The following MGAM variants were observed in gnomAD, a reference collection of about 807,000 sequenced individuals.
MGAM encodes maltase-glucoamylase, also known as alpha-1,4-glucosidase.
In MGAM, 253 loss-of-function variants were observed where a neutral mutation model predicts 358.8. The observed-to-expected ratio is 0.71, with a 90% CI of 0.64 to 0.78. The LOEUF (loss-of-function observed/expected upper bound fraction) is 0.78. Among genes scored for constraint, MGAM ranks in the 30% least tolerant of loss-of-function variants. The pLI, the probability that MGAM is intolerant of heterozygous loss-of-function variation, is 0.00. For synonymous variants in MGAM, 1,105 were observed against 1,227.1 expected, an observed-to-expected ratio of 0.90 and a Z score of 2.08; for missense variants, 3,080 against 3,432.6, an observed-to-expected ratio of 0.90 and a Z score of 2.57.
rs543667858 is a variant in MGAM, at chr7:142,034,375, G to A, written c.1783G>A (p.Ala595Thr). ...LYGYSMAVATAEAAKTVFPNK... is the reference protein window; with the variant it reads ...LYGYSMAVATTEAAKTVFPNK... ...TGGCTACTCCATGGCGGTCGCCACAGCAGAGTAAGGCCACTATGGCTATGA... is the reference window on the plus strand; with the variant it reads ...TGGCTACTCCATGGCGGTCGCCACAACAGAGTAAGGCCACTATGGCTATGA... Residue 595 changes from alanine to threonine, a missense_variant, in exon 15 of 71, where the codon GCA (alanine) becomes ACA (threonine). Physicochemically the swap from Ala to Thr is moderately conservative, Grantham distance 58 (BLOSUM62 0). This residue lies in a region of MGAM where 1,816 missense variants were observed against 1,840.5 expected (regional missense o/e 0.99). Coordinates refer to ENST00000475668, the MANE Select transcript of MGAM (RefSeq NM_001365693.1). 3.9e-6 allele frequency: 6 copies of A among 1,554,270 alleles called. No individual in the cohort carries two copies. In the African/African-American group the frequency reaches 6.8e-5, roughly 18 times the overall value.
intron 34 of MGAM, among the ~76,000 whole-genome samples, chr7:142,061,761 A>T (rs7793854): frequency 0.44 from 66,607 of 151,994 alleles, 15,684 homozygotes; most frequent in African/African-American, 0.61. Context: ...TTAAAATTGA[A>T]GGACATTTAC....
intron 1 of MGAM, among the ~76,000 whole-genome samples, chr7:142,005,156 A>G (rs1365391507): frequency 7.2e-5 from 11 of 152,096 alleles, no homozygotes; most frequent in Admixed American, 7.2e-4. Context: ...ATAAAAGTTT[A>G]TCAGACAATG....
At chr7:142,101,003 TA>T in intron 68 of MGAM, 113 bp downstream of exon 68, 1 of 924,776 alleles carries the variant, frequency 1.1e-6, no homozygotes, top group South Asian at 1.7e-5. Flanking sequence ...TTTTAAAATA[TA>T]ATCATTTGTT....
upstream of MGAM, among the ~76,000 whole-genome samples, chr7:141,994,490 G>T (rs1490172888): frequency 6.6e-6 from 1 of 152,178 alleles, no homozygotes; most frequent in South Asian, 2.1e-4. Context: ...CCCAGGAGGG[G>T]TGTGTGTGTT....
Position 142,042,775 on chromosome 7 carries a change from A to C in MGAM, c.2498+1929A>C, listed in dbSNP as rs1344621952. On this transcript the variant is annotated intron_variant, in intron 21 of 70. Coordinates refer to ENST00000475668, the MANE Select transcript of MGAM (RefSeq NM_001365693.1). ...TAATATATATATTATATATACATAT[A>C]TCTAAATATAATATATATACATATA... Among the ~76,000 whole-genome samples the C allele has an allele frequency of 1.3e-4, 10 of 79,040 alleles. 1 individual carries two copies. Among genetic ancestry groups the C allele is most frequent in the African/African-American group, 5.1e-4 (10 of 19,710 alleles). The allele number at this position is 79,040 out of a possible 152,430, so 51.9% of individuals were successfully genotyped here.
At chr7:142,048,522 A>ATTTTTTTTTTTTTTTTTTTTTTTTTTTT (rs1810636561) in intron 22 of MGAM, among the ~76,000 whole-genome samples, 8 of 54,602 alleles carry the variant, frequency 1.5e-4, no homozygotes, top group East Asian at 5.2e-4. Flanking sequence ...CCCAATGTTA[A>ATTTTTTTTTTTTTTTTTTTTTTTTTTTT]TGTCTTCCTC....
At chr7:141,992,033 G>A (rs558373435), upstream of MGAM, among the ~76,000 whole-genome samples, 54 of 152,224 alleles carry the variant, frequency 3.5e-4, no homozygotes, top group Middle Eastern at 6.8e-3. Context: ...TGCTATGTTC[G>A]GAATTCTGAT....
intron 3 of MGAM, among the ~76,000 whole-genome samples, chr7:142,009,906 T>C (rs1331227346): frequency 6.6e-6 from 1 of 152,168 alleles, no homozygotes; most frequent in Non-Finnish European, 1.5e-5. Context: ...TTAAAGGGAA[T>C]GTAGCTGAAA....
At chr7:142,034,125 G>A (rs1364790876) in intron 14 of MGAM, 137 bp from the exon 15 acceptor site, 7 of 615,862 alleles carry the variant, frequency 1.1e-5, no homozygotes, top group Admixed American at 2.8e-5. Flanking sequence ...CATTCTAATA[G>A]TAAGGGAGCA....
At chr7:142,059,778 T>C (rs2061149965) in intron 32 of MGAM, 78 bp from the exon 33 acceptor site, 2 of 1,572,440 alleles carry the variant, frequency 1.3e-6, no homozygotes, top group African/African-American at 2.7e-5. Context: ...GAGTTCACCC[T>C]TGAGGAGTTC....
intron 65 of MGAM, among the ~76,000 whole-genome samples, chr7:142,097,388 G>A (rs1283421036): frequency 6.6e-6 from 1 of 151,956 alleles, no homozygotes; most frequent in Non-Finnish European, 1.5e-5. Flanking sequence ...AGTGCTTTAT[G>A]AAAGCCACTT....
upstream of MGAM, among the ~76,000 whole-genome samples, chr7:141,992,733 C>T (rs1284170156): frequency 2.0e-5 from 3 of 152,088 alleles, no homozygotes; most frequent in Non-Finnish European, 4.4e-5. Flanking sequence ...AGGTGTGGAC[C>T]ACCACACTCA....
At chr7:141,996,286 G>A (rs1207938642) in intron 1 of MGAM, among the ~76,000 whole-genome samples, 1 of 149,480 alleles carries the variant, frequency 6.7e-6, no homozygotes, top group Non-Finnish European at 1.5e-5. Context: ...GGGTCGTAGA[G>A]CGATACTCCG....
upstream of MGAM, among the ~76,000 whole-genome samples, chr7:141,995,051 T>C (rs577695265): frequency 6.6e-6 from 1 of 152,194 alleles, no homozygotes; most frequent in Non-Finnish European, 1.5e-5. Context: ...AACTAAGCCA[T>C]GGCAGGACAT....
intron 29 of MGAM, 28 bp downstream of exon 29, chr7:142,056,124 T>A (rs769901668): frequency 6.4e-7 from 1 of 1,567,790 alleles, no homozygotes; most frequent in Non-Finnish European, 8.7e-7. Flanking sequence ...TCCCTTATTT[T>A]GGGGGGATAC....
At position 142,093,447 on chromosome 7, in the gene MGAM, A is replaced by G. The variant is rs1266208365; in HGVS notation, c.7069A>G (p.Thr2357Ala). ...ESRDRGLSSKTLCMESQQILP... is the reference protein window; with the variant it reads ...ESRDRGLSSKALCMESQQILP... ...CAGGGACAGGGGCCTGAGCAGCAAG[A>G]CCCTGTGCATGGAGAGTCAGCAGAT... The change falls in exon 60 of 71, where the codon ACC becomes GCC. Residue 2357 changes from threonine to alanine, a missense_variant. This residue lies in a region of MGAM where 932 missense variants were observed against 1,198.2 expected (regional missense o/e 0.78). Coordinates refer to ENST00000475668, the MANE Select transcript of MGAM (RefSeq NM_001365693.1). 1.3e-6 allele frequency: 2 copies of G among 1,536,798 alleles called. 1 individual carries two copies. The highest frequency in any genetic ancestry group is 1.8e-6 in the Non-Finnish European group (2 of 1,122,790).
chr7:142,085,745 A>G (rs1814685250), intron 54 of MGAM, 88 bp from the exon 55 acceptor site: 2 of 1,417,922 alleles, frequency 1.4e-6, no homozygotes, highest in African/African-American at 2.8e-5. Context: ...GCTATCTGGA[A>G]TTCCACCATG....
intron 24 of MGAM, among the ~76,000 whole-genome samples, chr7:142,051,919 G>T (rs1811011396): frequency 6.6e-6 from 1 of 152,134 alleles, no homozygotes; most frequent in South Asian, 2.1e-4. Context: ...CCACGCCAAT[G>T]GGTGATACTG....
intron 5 of MGAM, 96 bp from the exon 6 acceptor site, chr7:142,021,490 T>G: frequency 8.0e-7 from 1 of 1,252,066 alleles, no homozygotes; most frequent in Non-Finnish European, 1.1e-6. Context: ...TGAGGTCAGT[T>G]TGATCAGTGC....
Sources: gnomAD v4.1 joint callset for allele counts (sites outside exome capture counted in the v4.1 genomes callset) on GRCh38, gnomAD v4.1.1 for gene constraint, gnomAD v4.1.1 regional missense constraint, MANE v1.5 for transcripts, NCBI Gene and HGNC (gene_info 2026-07-23, HGNC 2026-07-21) for gene names.